The following ZNF773 variants were observed in gnomAD, a reference collection of about 807,000 sequenced individuals.
ZNF773 encodes zinc finger protein 419B.
In ZNF773, 11 loss-of-function variants were observed where a neutral mutation model predicts 12.8. The ratio of observed to expected loss-of-function variants is 0.86; its 90% CI spans 0.54 to 1.42. The LOEUF (loss-of-function observed/expected upper bound fraction) is 1.42. Among genes scored for constraint, ZNF773 ranks in the 40% most tolerant of loss-of-function variants. The pLI, the probability that ZNF773 is intolerant of heterozygous loss-of-function variation, is 0.00. For synonymous variants in ZNF773, 175 were observed against 178.4 expected (o/e 0.98, Z 0.15); for missense variants, 518 against 527.2 (o/e 0.98, Z 0.17).
downstream of ZNF773, among the ~76,000 whole-genome samples, chr19:57,510,616 C>T (rs370492149): frequency 9.4e-4 from 143 of 152,048 alleles, 2 homozygotes; most frequent in South Asian, 0.016. Flanking sequence ...TAAAAAGCTA[C>T]TAGATCTAAT....
downstream of ZNF773, among the ~76,000 whole-genome samples, chr19:57,512,223 A>G (rs1280485926): frequency 1.3e-5 from 2 of 152,188 alleles, no homozygotes; most frequent in African/African-American, 2.4e-5. Context: ...ACCAGAATTC[A>G]TTGAAATAAG....
rs1391108836 is a variant in ZNF773 at position 57,507,312 on chromosome 19, A to G, written c.1217A>G (p.Gln406Arg). Residue 406 changes from glutamine (Q) to arginine (R), a missense_variant, in exon 4 of 4, where the codon CAG becomes CGG. Transcript: ENST00000282292. ...FSENSSLVKH[Q>R]RVHTGAKPYE... is the part of the protein sequence containing the mutation. ...GAGAATTCCAGCCTTGTTAAACATC[A>G]GAGGGTTCACACTGGAGCAAAGCCT... The G allele has an allele frequency of 1.3e-5, 21 of 1,614,044 alleles. No homozygotes were observed. The highest frequency in any genetic ancestry group is 1.7e-5 in the Non-Finnish European group (20 of 1,180,034).
Position 57,507,194 on chromosome 19 carries a change from T to G in ZNF773, c.1099T>G (p.Phe367Val). Residue 367 changes from phenylalanine to valine, a missense_variant, in exon 4 of 4, where the codon TTT becomes GTT. Physicochemically the swap from Phe to Val is conservative, Grantham distance 50 (BLOSUM62 -1). Transcript: ENST00000282292. ...RPYECSECGKFFSQSSSLMQH... is the reference protein window; with the variant it reads ...RPYECSECGKVFSQSSSLMQH... ...TTATGAGTGCAGTGAATGTGGGAAATTTTTTAGCCAAAGCTCAAGCCTCAT... is the reference window on the plus strand; with the variant it reads ...TTATGAGTGCAGTGAATGTGGGAAAGTTTTTAGCCAAAGCTCAAGCCTCAT... 2 of 1,614,146 alleles carry G rather than the reference T, an allele frequency of 1.2e-6. No individual in the cohort carries two copies. The highest frequency in any genetic ancestry group is 2.2e-5 in the South Asian group (2 of 91,088).
intron 1 of ZNF773, among the ~76,000 whole-genome samples, chr19:57,500,527 G>A (rs565297562): frequency 6.6e-6 from 1 of 151,892 alleles, no homozygotes; most frequent in South Asian, 2.1e-4. Flanking sequence ...AGACCTGTGA[G>A]TAGGTAAATT....
Position 57,507,280 on chromosome 19 carries a change from C to A in ZNF773, c.1185C>A (p.Phe395Leu). 1.9e-6 allele frequency: 3 copies of A among 1,611,214 alleles called. No homozygotes were observed. The highest frequency in any genetic ancestry group is 2.5e-6 in the Non-Finnish European group (3 of 1,178,062). The change falls in exon 4 of 4, where the codon TTC (phenylalanine) becomes TTA (leucine). Residue 395 changes from phenylalanine to leucine, a missense_variant. Coordinates refer to ENST00000282292, the MANE Select transcript of ZNF773 (RefSeq NM_198542.3). ...KPFKCNECGR[F>L]FSENSSLVKH... is the part of the protein sequence containing the mutation. ...TTAAGTGCAATGAATGTGGGAGATT[C>A]TTTAGTGAGAATTCCAGCCTTGTTA... is the stretch of plus-strand genomic sequence containing the variant.
chr19:57,508,533 C>G (rs1427451189), downstream of ZNF773: 1 of 701,264 alleles, frequency 1.4e-6, no homozygotes, highest in South Asian at 1.5e-5. Context: ...GGCTGCGTAA[C>G]AGGTCGGCAA....
intron 3 of ZNF773, among the ~76,000 whole-genome samples, chr19:57,505,831 C>G (rs2089725169): frequency 1.3e-5 from 2 of 151,628 alleles, no homozygotes; most frequent in South Asian, 4.2e-4. Flanking sequence ...CTGCCTCAGC[C>G]TCCTAGTAGC....
At chr19:57,515,071 TATTAAC>T (rs1257897142), downstream of ZNF773, 1 of 152,226 alleles carries the variant, frequency 6.6e-6, no homozygotes, top group African/African-American at 2.4e-5. Flanking sequence ...CTTTATCTCC[TATTAAC>T]ATTGTCTGTG....
At chr19:57,504,296 A>G (rs1418601587) in intron 1 of ZNF773, among the ~76,000 whole-genome samples, 2 of 152,206 alleles carry the variant, frequency 1.3e-5, no homozygotes, top group Non-Finnish European at 2.9e-5. Context: ...GTATGTGCAC[A>G]TTCTAATGAG....
chr19:57,507,496 G>C lies in ZNF773; in HGVS notation c.*72G>C, dbSNP rs1158294784. On this transcript the variant is annotated 3_prime_UTR_variant, in exon 4 of 4. Transcript: ENST00000282292. ...AAAGTTCACAGTGTAAAAAAGTCTT[G>C]AAGGTTACTAATGGAAATCCATTAG... 6.6e-7 allele frequency: 1 copy of C among 1,516,414 alleles called. No homozygotes were observed. Among genetic ancestry groups the C allele is most frequent in the Non-Finnish European group, 8.8e-7 (1 of 1,137,832 alleles). 93.9% of individuals were successfully genotyped at this position (1,516,414 alleles called of 1,614,324 possible). A position where few individuals can be genotyped will look rare whatever the true frequency, so the allele number is the denominator to read the frequency against.
At chr19:57,514,891 A>C (rs1176019629), downstream of ZNF773, 2 of 152,196 alleles carry the variant, frequency 1.3e-5, no homozygotes, top group Admixed American at 1.3e-4. Context: ...CCCTTCCTGT[A>C]ATCACTCATC....
Position 57,507,699 on chromosome 19 carries a change from C to A in ZNF773, c.*275C>A. On this transcript the variant is annotated 3_prime_UTR_variant, in exon 4 of 4. Transcript: ENST00000282292. ...CTGACTTAAAGCAGAAACAGCCAGG[C>A]GTGGTGGCTGACACCTGTTATTCTC... The A allele has an allele frequency of 8.1e-7, 1 of 1,227,006 alleles. No homozygotes were observed. 76.0% of individuals were successfully genotyped at this position (1,227,006 alleles called of 1,614,324 possible).
At chr19:57,500,718 A>G (rs997375492) in intron 1 of ZNF773, among the ~76,000 whole-genome samples, 1 of 152,024 alleles carries the variant, frequency 6.6e-6, no homozygotes, top group Non-Finnish European at 1.5e-5. Flanking sequence ...TTGTTCCTGA[A>G]TATCAGGAAG....
chr19:57,509,637 A>G (rs1032486078), downstream of ZNF773, among the ~76,000 whole-genome samples: 1 of 152,228 alleles, frequency 6.6e-6, no homozygotes, highest in Non-Finnish European at 1.5e-5. Flanking sequence ...AACAACACAA[A>G]TATATTATCT....
chr19:57,505,873 C>T (rs1410082056), intron 3 of ZNF773, among the ~76,000 whole-genome samples: 1 of 152,028 alleles, frequency 6.6e-6, no homozygotes, highest in Non-Finnish European at 1.5e-5. Context: ...CCATGCCTGG[C>T]TAATTTTTTG....
downstream of ZNF773, among the ~76,000 whole-genome samples, chr19:57,512,639 G>A (rs1231297672): frequency 6.6e-6 from 1 of 152,022 alleles, no homozygotes; most frequent in Non-Finnish European, 1.5e-5. Context: ...AAGAATTAGG[G>A]TCATGACCAA....
At chr19:57,504,509 G>A (rs1172115906) in intron 1 of ZNF773, 148 bp from the exon 2 acceptor site, 3 of 1,190,632 alleles carry the variant, frequency 2.5e-6, no homozygotes, top group Non-Finnish European at 2.4e-6. Flanking sequence ...GGGAACATGA[G>A]GAGAGAGTGG....
chr19:57,507,225 A>G lies in ZNF773; in HGVS notation c.1130A>G (p.His377Arg), dbSNP rs2089749961. 6.2e-7 allele frequency: 1 copy of G among 1,611,108 alleles called. No homozygotes were observed. The highest frequency in any genetic ancestry group is 1.1e-5 in the South Asian group (1 of 91,006). Residue 377 changes from histidine to arginine, a missense_variant, in exon 4 of 4, where the codon CAT (histidine) becomes CGT (arginine). Transcript: ENST00000282292. Reference protein sequence around the residue: ...FFSQSSSLMQHRKVHTGEKPF... With the variant: ...FFSQSSSLMQRRKVHTGEKPF... ...AGCCAAAGCTCAAGCCTCATGCAAC[A>G]TCGAAAAGTTCACACTGGAGAAAAA...
chr19:57,501,219 G>A (rs2089666077), intron 1 of ZNF773, among the ~76,000 whole-genome samples: 1 of 152,158 alleles, frequency 6.6e-6, no homozygotes, highest in South Asian at 2.1e-4. Context: ...TGGTCTTCAG[G>A]GGAGTATATA....
Sources: allele counts gnomAD v4.1 joint callset (sites outside exome capture counted in the v4.1 genomes callset), GRCh38; gene constraint gnomAD v4.1.1; transcripts MANE v1.5; gene names NCBI Gene and HGNC (gene_info 2026-07-23, HGNC 2026-07-21).